Variants in SELENOV observed in about 807,000 individuals in gnomAD.
The protein encoded by SELENOV is selenoprotein V.
Under a neutral mutation model 21.6 loss-of-function variants are expected in SELENOV, and 25 were observed. That is an observed-to-expected ratio of 1.16 (90% CI 0.84 to 1.62). The LOEUF (loss-of-function observed/expected upper bound fraction) is 1.62, where lower values mean the gene tolerates loss of function less well. SELENOV is among the 40% of genes most tolerant of loss of function. The pLI is 0.00. For missense variants in SELENOV, 472 were observed against 459.0 expected, an observed-to-expected ratio of 1.03 and a Z score of -0.26; for synonymous variants, 227 against 216.9, an observed-to-expected ratio of 1.05 and a Z score of -0.41.
Position 39,515,949 on chromosome 19 carries a change from G to C in SELENOV, c.737G>C (p.Cys246Ser), listed in dbSNP as rs1462075637. The C allele has an allele frequency of 6.2e-7, 1 of 1,608,380 alleles. No individual in the cohort carries two copies. Among genetic ancestry groups the C allele is most frequent in the African/African-American group, 1.3e-5 (1 of 74,938 alleles). ...CCGTCGGCCATCTCCTTACAGAATTGTACGGAAACCTTCCCCTCCTCCAGC... is the reference window on the plus strand; with the variant it reads ...CCGTCGGCCATCTCCTTACAGAATTCTACGGAAACCTTCCCCTCCTCCAGC... The change falls in exon 1 of 6, where the codon TGT (cysteine) becomes TCT (serine). Residue 246 changes from cysteine to serine, a missense_variant. Physicochemically the swap from Cys to Ser is moderately radical, Grantham distance 112. Transcript: ENST00000335426. The surrounding 1 kb of genome is among the most constrained non-coding windows in gnomAD (Gnocchi z 5.1).
chr19:39,515,698 T>C lies in SELENOV; in HGVS notation c.486T>C (p.Pro162=), dbSNP rs1046987613. The change falls in exon 1 of 6, where the codon CCT becomes CCC. Residue 162 remains proline, a synonymous_variant. Coordinates refer to ENST00000335426, the Ensembl canonical transcript of SELENOV. This position sits in a 1 kb window ranked among gnomAD's most constrained non-coding sequence, Gnocchi z 5.1. ...CCCCGGAACCTGCTCCGGAGCTGCCTTTGTTGCCCGAGGAGGACCCTGAGC... is the reference window on the plus strand; with the variant it reads ...CCCCGGAACCTGCTCCGGAGCTGCCCTTGTTGCCCGAGGAGGACCCTGAGC... 3.2e-6 allele frequency: 5 copies of C among 1,549,130 alleles called. 1 individual carries two copies. In the Admixed American group the frequency reaches 7.8e-5, roughly 24 times the overall value.
chr19:39,518,835 G>T (rs748446960), intron 3 of SELENOV, 42 bp downstream of exon 3: 3 of 1,612,434 alleles, frequency 1.9e-6, no homozygotes, highest in South Asian at 2.2e-5. Flanking sequence ...GGTGGTCAGG[G>T]ATCTGAGATC....
intron 1 of SELENOV, among the ~76,000 whole-genome samples, chr19:39,516,756 C>T (rs1030623097): frequency 2.0e-4 from 29 of 148,648 alleles, no homozygotes; most frequent in Admixed American, 9.5e-4. Context: ...AGTGCAATGG[C>T]GCGACCTCTG....
At chr19:39,519,274 C>A in intron 5 of SELENOV, 104 bp downstream of exon 5, 3 of 787,754 alleles carry the variant, frequency 3.8e-6, no homozygotes, top group South Asian at 1.5e-5. Flanking sequence ...CCGGTTCTCA[C>A]TGTTAGAATC....
chr19:39,515,751 C>A lies in SELENOV; in HGVS notation c.539C>A (p.Ser180Ter), dbSNP rs536348854. The A allele has an allele frequency of 3.5e-5, 54 of 1,549,316 alleles. No homozygotes were observed. In the South Asian group the frequency reaches 6.3e-4, roughly 18 times the overall value. ...GCGCCGAGCCTGAAGCTCATCCCGT[C>A]GGTCTCCAGCGAGGCCGGGCCCGCC... is the stretch of plus-strand genomic sequence containing the variant. The change falls in exon 1 of 6, where the codon TCG becomes TAG. Residue 180 changes from serine (S) to a stop codon, truncating the protein, a stop_gained. Transcript: ENST00000335426. LOFTEE classifies it high-confidence loss of function. The surrounding 1 kb of genome is among the most constrained non-coding windows in gnomAD (Gnocchi z 5.1).
exon 5 of SELENOV, chr19:39,519,159 G>C (rs371644768): frequency 3.4e-5 from 55 of 1,613,038 alleles, no homozygotes; most frequent in Non-Finnish European, 4.6e-5. Context: ...CCGGCAAGGG[G>C]TGGAGCTGGA....
Position 39,518,967 on chromosome 19 carries a change from A to T in SELENOV, c.953A>T (p.His318Leu). Residue 318 changes from histidine (H) to leucine (L), a missense_variant, in exon 4 of 6, where the codon CAT becomes CTT. Physicochemically the swap from His to Leu is moderately conservative, Grantham distance 99. Transcript: ENST00000335426. ...GTGTTTGTGAACGGGAGACTGGTCC[A>T]TTCCAAGAAGGTGATCCTGAGTAAA... is the stretch of plus-strand genomic sequence containing the variant. The T allele has an allele frequency of 2.5e-6, 4 of 1,613,784 alleles. No individual in the cohort carries two copies. The highest frequency in any genetic ancestry group is 3.4e-6 in the Non-Finnish European group (4 of 1,179,830).
chr19:39,517,991 A>AAAAAAAAAAAAAAAT (rs374863818), intron 1 of SELENOV, among the ~76,000 whole-genome samples: 1 of 92,012 alleles, frequency 1.1e-5, no homozygotes, highest in Non-Finnish European at 2.2e-5. Flanking sequence ...AAAAAAAAAA[A>AAAAAAAAAAAAAAAT]GCCCAGCGCG....
At chr19:39,516,259 G>A (rs1022711073) in intron 1 of SELENOV, 5 of 673,856 alleles carry the variant, frequency 7.4e-6, no homozygotes, top group African/African-American at 7.1e-5. Flanking sequence ...TCGTTTCTGA[G>A]TGCCCCGCGG....
intron 1 of SELENOV, among the ~76,000 whole-genome samples, chr19:39,516,742 C>T (rs928061631): frequency 6.7e-6 from 1 of 149,490 alleles, no homozygotes; most frequent in African/African-American, 2.5e-5. Flanking sequence ...GTTGCCCAGG[C>T]TGGAGTGCAA....
intron 1 of SELENOV, among the ~76,000 whole-genome samples, chr19:39,518,210 G>T (rs144507233): frequency 0.03 from 4,504 of 151,030 alleles, 251 homozygotes; most frequent in East Asian, 0.24. Context: ...GGCGGAGCTT[G>T]CAGTGAGCTG....
In SELENOV at chr19:39,519,205, G is replaced by A. The variant is rs1226569473; in HGVS notation, c.*22+35G>A. The A allele has an allele frequency of 3.4e-6, 5 of 1,459,010 alleles. No homozygotes were observed. In the East Asian group the frequency reaches 9.2e-5, roughly 27 times the overall value. 90.4% of individuals were successfully genotyped at this position (1,459,010 alleles called of 1,614,324 possible). A position where few individuals can be genotyped will look rare whatever the true frequency, so the allele number is the denominator to read the frequency against. ...GAGCTCCCAAGGCTGCGGTGGGAGG[G>A]GTGGAGGCCGGGTAGGAGGATGGGG... On this transcript the variant is annotated intron_variant, in intron 5 of 5. Coordinates refer to ENST00000335426, the Ensembl canonical transcript of SELENOV.
At position 39,515,473 on chromosome 19, in the gene SELENOV, TC is replaced by T. The variant is rs988386520; in HGVS notation, c.263del (p.Pro88LeufsTer29). 83 of 1,550,860 alleles carry T rather than the reference TC, an allele frequency of 5.4e-5. No individual in the cohort carries two copies. Among genetic ancestry groups the T allele is most frequent in the Non-Finnish European group, 7.2e-5 (82 of 1,146,696 alleles). On this transcript the variant is annotated frameshift_variant, in exon 1 of 6. Transcript: ENST00000335426. LOFTEE classifies it high-confidence loss of function. The surrounding 1 kb of genome is among the most constrained non-coding windows in gnomAD (Gnocchi z 5.1). ...CCCGGATCCCCCGTCTGGTTCCGCC[TC>T]CTGCTCCGGCCTGGATCCCTACTCC...
At chr19:39,518,568 GTC>G (rs749829795) in intron 1 of SELENOV, 38 bp from the exon 2 acceptor site, 3 of 1,576,046 alleles carry the variant, frequency 1.9e-6, no homozygotes, top group Non-Finnish European at 1.7e-6. Flanking sequence ...GTCTTCCCTG[GTC>G]TCTCTCTTAA....
rs2079693003 is a variant in SELENOV at position 39,515,739 on chromosome 19, A to G, written c.527A>G (p.Lys176Arg). Reference sequence around the variant, plus strand: ...GACCCTGAGCCGGCGCCGAGCCTGAAGCTCATCCCGTCGGTCTCCAGCGAG... The same window carrying G: ...GACCCTGAGCCGGCGCCGAGCCTGAGGCTCATCCCGTCGGTCTCCAGCGAG... Residue 176 changes from lysine to arginine, a missense_variant, in exon 1 of 6, where the codon AAG (lysine) becomes AGG (arginine). Transcript: ENST00000335426. This position sits in a 1 kb window ranked among gnomAD's most constrained non-coding sequence, Gnocchi z 5.1. 1 of 1,549,412 alleles carries G rather than the reference A, an allele frequency of 6.5e-7. No homozygotes were observed. Among genetic ancestry groups the G allele is most frequent in the East Asian group, 2.4e-5 (1 of 40,892 alleles).
In SELENOV at chr19:39,518,793, TGTAA is replaced by T. The variant is rs1057495654; in HGVS notation, c.888+3_888+6del. 2.9e-5 allele frequency: 47 copies of T among 1,613,428 alleles called. No individual in the cohort carries two copies. Among genetic ancestry groups the T allele is most frequent in the Non-Finnish European group, 3.7e-5 (44 of 1,179,662 alleles). ...AGCAATTTCCGAATCACCTACTCTT[TGTAA>T]GTGTGTGGGGGTCCTGGGGGAGAGG... On this transcript the variant is annotated splice_donor_variant and splice_donor_region_variant and intron_variant, in intron 3 of 5. Coordinates refer to ENST00000335426, the Ensembl canonical transcript of SELENOV. LOFTEE classifies it high-confidence loss of function.
Position 39,515,300 on chromosome 19 carries a change from C to G in SELENOV, c.88C>G (p.Pro30Ala). Reference sequence around the variant, plus strand: ...TTCTACCCCGACCCGGACACCGACTCCACTCCGGACCCCGACTCCGGTCCG... The same window carrying G: ...TTCTACCCCGACCCGGACACCGACTGCACTCCGGACCCCGACTCCGGTCCG... Residue 30 changes from proline (P) to alanine (A), a missense_variant, in exon 1 of 6, where the codon CCA (proline) becomes GCA (alanine). Transcript: ENST00000335426. This position sits in a 1 kb window ranked among gnomAD's most constrained non-coding sequence, Gnocchi z 5.1. 6.4e-7 allele frequency: 1 copy of G among 1,551,232 alleles called. No homozygotes were observed. Among genetic ancestry groups the G allele is most frequent in the Non-Finnish European group, 8.7e-7 (1 of 1,146,910 alleles).
At chr19:39,517,013 TG>T (rs2079700523) in intron 1 of SELENOV, among the ~76,000 whole-genome samples, 1 of 151,640 alleles carries the variant, frequency 6.6e-6, no homozygotes, top group African/African-American at 2.4e-5. Flanking sequence ...TTTTAAATTT[TG>T]TTGTAGAGAT....
exon 6 of SELENOV, chr19:39,520,498 A>G (rs1441799559): frequency 6.6e-6 from 1 of 152,130 alleles, no homozygotes; most frequent in Non-Finnish European, 1.5e-5. Context: ...AAAACCTTCC[A>G]TCTTATTGGC....
Sources: gnomAD v4.1 joint callset for allele counts (sites outside exome capture counted in the v4.1 genomes callset) on GRCh38, gnomAD v4.1.1 for gene constraint, Gnocchi (gnomAD v3.1) non-coding constraint, MANE v1.5 for transcripts, NCBI Gene and HGNC (gene_info 2026-07-23, HGNC 2026-07-21) for gene names.